The following LSM3 variants were observed in gnomAD, a reference collection of about 807,000 sequenced individuals.
The protein encoded by LSM3 is U6 snRNA-associated Sm-like protein LSm3.
A neutral mutation model predicts 15.4 loss-of-function variants in LSM3; 14 were observed. That is an observed-to-expected ratio of 0.91 (90% CI 0.60 to 1.42). The LOEUF is 1.42. LSM3 is among the 40% of genes most tolerant of loss of function. LSM3 has a pLI of 0.00. For missense variants in LSM3, 88 were observed against 127.9 expected (o/e 0.69, Z 1.50); for synonymous variants, 46 against 45.1 (o/e 1.02, Z -0.08).
At chr3:14,186,269 G>A (rs1223596696) in intron 3 of LSM3, among the ~76,000 whole-genome samples, 1 of 152,258 alleles carries the variant, frequency 6.6e-6, no homozygotes, top group Non-Finnish European at 1.5e-5. Context: ...TGGGCTCAGA[G>A]TACAAGACTA....
chr3:14,189,801 A>C (rs1697122550), intron 3 of LSM3, among the ~76,000 whole-genome samples: 2 of 152,126 alleles, frequency 1.3e-5, no homozygotes, highest in East Asian at 1.9e-4. Flanking sequence ...CTTTAGTTTA[A>C]TTAGATCCCA....
intron 3 of LSM3, among the ~76,000 whole-genome samples, chr3:14,184,331 C>T (rs926293236): frequency 4.6e-5 from 7 of 152,188 alleles, no homozygotes; most frequent in African/African-American, 1.2e-4. Context: ...TACAACAATG[C>T]AAGGTGGCTA....
At chr3:14,195,615 C>T (rs1435831351) in intron 3 of LSM3, among the ~76,000 whole-genome samples, 2 of 152,168 alleles carry the variant, frequency 1.3e-5, no homozygotes, top group Admixed American at 6.5e-5. Context: ...ACTGAGAGAA[C>T]TGTGAATGAG....
chr3:14,188,570 A>G (rs1367270962), intron 3 of LSM3, among the ~76,000 whole-genome samples: 1 of 152,028 alleles, frequency 6.6e-6, no homozygotes, highest in Non-Finnish European at 1.5e-5. Flanking sequence ...TTTCTTGAGA[A>G]TCTTCTCGTG....
At chr3:14,189,751 C>T (rs763272821) in intron 3 of LSM3, among the ~76,000 whole-genome samples, 8 of 152,056 alleles carry the variant, frequency 5.3e-5, no homozygotes, top group Non-Finnish European at 7.4e-5. Context: ...CTGTAGGTTG[C>T]CTGTTCACTC....
chr3:14,181,513 C>A, intron 1 of LSM3, 47 bp from the exon 2 acceptor site: 1 of 1,228,864 alleles, frequency 8.1e-7, no homozygotes, highest in Non-Finnish European at 1.2e-6. Context: ...GATTTAAGCA[C>A]TACTCTGACT....
intron 1 of LSM3, among the ~76,000 whole-genome samples, chr3:14,180,824 T>A (rs1697029052): frequency 3.2e-5 from 2 of 62,182 alleles, no homozygotes; most frequent in Non-Finnish European, 6.5e-5. Flanking sequence ...TGCTTGCCTT[T>A]TTTTTTTTTT....
chr3:14,194,703 A>T (rs1299691800), intron 3 of LSM3, among the ~76,000 whole-genome samples: 2 of 151,920 alleles, frequency 1.3e-5, no homozygotes, highest in African/African-American at 4.8e-5. Flanking sequence ...TTAAAAAAAA[A>T]AATTCTGGGT....
intron 3 of LSM3, among the ~76,000 whole-genome samples, chr3:14,188,605 T>A (rs1016481875): frequency 3.3e-5 from 5 of 152,222 alleles, no homozygotes; most frequent in Non-Finnish European, 7.3e-5. Context: ...CTAATGAGTG[T>A]TAGTTATTCT....
chr3:14,186,720 T>C (rs570318428), intron 3 of LSM3, among the ~76,000 whole-genome samples: 1 of 152,350 alleles, frequency 6.6e-6, no homozygotes, highest in Non-Finnish European at 1.5e-5. Flanking sequence ...AACTATTGTT[T>C]AGTGGTTATT....
intron 3 of LSM3, among the ~76,000 whole-genome samples, chr3:14,192,353 G>A (rs935901859): frequency 3.3e-5 from 5 of 152,148 alleles, no homozygotes; most frequent in South Asian, 2.1e-4. Flanking sequence ...TTTCTGTCTC[G>A]TTGATCTGTC....
At chr3:14,187,299 C>T (rs1410506549) in intron 3 of LSM3, among the ~76,000 whole-genome samples, 1 of 152,214 alleles carries the variant, frequency 6.6e-6, no homozygotes, top group African/African-American at 2.4e-5. Flanking sequence ...GCTACTGGGG[C>T]TGGTTAGCTC....
At chr3:14,191,019 G>T (rs1352202191) in intron 3 of LSM3, among the ~76,000 whole-genome samples, 7 of 152,156 alleles carry the variant, frequency 4.6e-5, no homozygotes, top group Non-Finnish European at 8.8e-5. Context: ...TTTATCGAAG[G>T]CCTTTTCTGC....
At position 14,200,851 on chromosome 3, in the gene LSM3, A is replaced by C. The variant is rs1172071665; in HGVS notation, c.*2735A>C. The C allele has an allele frequency of 6.6e-6, 1 of 152,184 alleles. No individual in the cohort carries two copies. The highest frequency in any genetic ancestry group is 2.4e-5 in the African/African-American group (1 of 41,446). 9.4% of individuals were successfully genotyped at this position (152,184 alleles called of 1,614,324 possible). On this transcript the variant is annotated 3_prime_UTR_variant, in exon 4 of 4. Transcript: ENST00000306024. ...CACACCCTTTTATTTAATCAGCTAA[A>C]GTGGGTGCGGTGACACACACCTGTA...
chr3:14,182,962 G>A (rs1352229608), intron 2 of LSM3, among the ~76,000 whole-genome samples: 1 of 152,190 alleles, frequency 6.6e-6, no homozygotes, highest in African/African-American at 2.4e-5. Context: ...GGGACCCAGG[G>A]AGACAATCTA....
intron 1 of LSM3, among the ~76,000 whole-genome samples, chr3:14,179,826 G>A (rs956394686): frequency 6.6e-6 from 1 of 152,172 alleles, no homozygotes; most frequent in African/African-American, 2.4e-5. Flanking sequence ...AGCAGACAGT[G>A]GGCATCCCAG....
At chr3:14,186,398 A>T (rs952237444) in intron 3 of LSM3, among the ~76,000 whole-genome samples, 4 of 152,214 alleles carry the variant, frequency 2.6e-5, no homozygotes, top group Non-Finnish European at 4.4e-5. Context: ...GACCCACTTC[A>T]TACAACTGTG....
rs771340758 is a variant in LSM3 at position 14,198,167 on chromosome 3, C to G, written c.*51C>G. ...AACGGGAGACTTTGTACAGTGGCCT[C>G]TCTAAAAGTACAAAACATTCATAAG... On this transcript the variant is annotated 3_prime_UTR_variant, in exon 4 of 4. Transcript: ENST00000306024. 2 of 1,324,436 alleles carry G rather than the reference C, an allele frequency of 1.5e-6. No individual in the cohort carries two copies. The highest frequency in any genetic ancestry group is 1.2e-5 in the South Asian group (1 of 83,312). 82.0% of individuals were successfully genotyped at this position (1,324,436 alleles called of 1,614,324 possible).
chr3:14,183,868 ATTG>A (rs1697062129), intron 2 of LSM3, 66 bp from the exon 3 acceptor site: 1 of 1,198,746 alleles, frequency 8.3e-7, no homozygotes, highest in Non-Finnish European at 1.2e-6. Flanking sequence ...CAATTTGCAT[ATTG>A]TTAAGCCTTT....
Sources: gnomAD v4.1 joint callset for allele counts (sites outside exome capture counted in the v4.1 genomes callset) on GRCh38, gnomAD v4.1.1 for gene constraint, MANE v1.5 for transcripts, NCBI Gene and HGNC (gene_info 2026-07-23, HGNC 2026-07-21) for gene names.